Variants in RBM47 observed in about 807,000 individuals in gnomAD.
RBM47 encodes the protein RNA binding motif protein 47, also known as RNA-binding protein 47.
RBM47 carries 21 observed loss-of-function variants against 47.1 expected under a neutral mutation model. The ratio of observed to expected loss-of-function variants is 0.45; its 90% CI spans 0.32 to 0.64. The LOEUF (loss-of-function observed/expected upper bound fraction) is 0.64, where lower values mean the gene tolerates loss of function less well. Among genes scored for constraint, RBM47 ranks in the 30% least tolerant of loss-of-function variants. The pLI is 0.05. For missense variants in RBM47, 708 were observed against 870.9 expected, an observed-to-expected ratio of 0.81 and a Z score of 2.35; for synonymous variants, 375 against 361.7, an observed-to-expected ratio of 1.04 and a Z score of -0.42.
At chr4:40,453,513 ATATGCCATGT>A (rs1319741308) in intron 3 of RBM47, among the ~76,000 whole-genome samples, 10 of 152,248 alleles carry the variant, frequency 6.6e-5, no homozygotes, top group African/African-American at 2.4e-4. Context: ...TTATGTTATC[ATATGCCATGT>A]TATTGCCAAT....
At chr4:40,517,664 C>T (rs1725739767) in intron 2 of RBM47, among the ~76,000 whole-genome samples, 1 of 152,098 alleles carries the variant, frequency 6.6e-6, no homozygotes, top group South Asian at 2.1e-4. Context: ...CAAGAATATT[C>T]AAAAATCTCA....
chr4:40,606,825 G>A (rs945382139), intron 1 of RBM47, among the ~76,000 whole-genome samples: 6 of 152,070 alleles, frequency 3.9e-5, no homozygotes, highest in African/African-American at 1.2e-4. Flanking sequence ...GCAACACAGT[G>A]ACACCTCCTC....
intron 1 of RBM47, among the ~76,000 whole-genome samples, chr4:40,577,645 T>TAAA (rs10624014): frequency 4.2e-4 from 61 of 146,786 alleles, no homozygotes; most frequent in East Asian, 7.9e-4. Context: ...ATCTCATACT[T>TAAA]AAAAAAAAAA....
chr4:40,477,303 C>G lies in RBM47; in HGVS notation c.-154-10604G>C, dbSNP rs75635931. On this transcript the variant is annotated intron_variant, in intron 2 of 6. Transcript: ENST00000295971. ...TCCTAGATAGAATAATAGCTATCGA[C>G]AGTGACTATAAATTATCAACAAGTT... Among the ~76,000 whole-genome samples, 487 of 152,282 alleles carry G rather than the reference C, an allele frequency of 3.2e-3. 17 individuals are homozygous for G. The East Asian group carries it at 0.075, about 23-fold the overall frequency.
chr4:40,537,394 C>A (rs1481419414), intron 2 of RBM47, among the ~76,000 whole-genome samples: 1 of 151,884 alleles, frequency 6.6e-6, no homozygotes, highest in Non-Finnish European at 1.5e-5. Flanking sequence ...TCCTGAGTAG[C>A]TGGGACTACA....
chr4:40,434,715 A>G (rs907087947), intron 5 of RBM47, among the ~76,000 whole-genome samples: 8 of 152,066 alleles, frequency 5.3e-5, no homozygotes, highest in African/African-American at 1.7e-4. Flanking sequence ...AAAAAAAAAA[A>G]AAAAAAAAAA....
intron 1 of RBM47, among the ~76,000 whole-genome samples, chr4:40,624,999 G>A (rs933645493): frequency 6.7e-6 from 1 of 150,320 alleles, no homozygotes; most frequent in Admixed American, 6.7e-5. Context: ...ACAGGCACCC[G>A]CCACTATGCC....
At chr4:40,518,472 A>G (rs1006720195) in intron 2 of RBM47, among the ~76,000 whole-genome samples, 1 of 152,124 alleles carries the variant, frequency 6.6e-6, no homozygotes, top group East Asian at 1.9e-4. Context: ...AACCACGCCC[A>G]GCTGCAAACA....
intron 1 of RBM47, among the ~76,000 whole-genome samples, chr4:40,566,612 T>G (rs967786782): frequency 2.0e-5 from 3 of 151,990 alleles, no homozygotes; most frequent in Non-Finnish European, 4.4e-5. Flanking sequence ...GCCACTACAC[T>G]CCACGCTGGG....
chr4:40,561,310 C>T (rs188109806), intron 1 of RBM47, among the ~76,000 whole-genome samples: 4 of 147,008 alleles, frequency 2.7e-5, no homozygotes, highest in East Asian at 2.0e-4. Flanking sequence ...CGGCTCACTG[C>T]GACCACCGCT....
chr4:40,511,076 C>T lies in RBM47; in HGVS notation c.-155+33346G>A, dbSNP rs79529203. Among the ~76,000 whole-genome samples, 932 of 152,288 alleles carry T rather than the reference C, an allele frequency of 6.1e-3. 6 individuals carry two copies. The highest frequency in any genetic ancestry group is 0.022 in the African/African-American group (896 of 41,564). On this transcript the variant is annotated intron_variant, in intron 2 of 6. Coordinates refer to ENST00000295971, the MANE Select transcript of RBM47 (RefSeq NM_001098634.2). ...CTAACCTATACGCATTCAGTTTTTA[C>T]TTCATCCTGCAAAAAGCAAAACCAG...
chr4:40,456,560 T>C (rs1277343875), intron 3 of RBM47, among the ~76,000 whole-genome samples: 1 of 91,288 alleles, frequency 1.1e-5, no homozygotes, highest in African/African-American at 3.6e-5. Context: ...TTTTTTTTTC[T>C]TTTCTTTTTT....
chr4:40,558,866 C>A (rs1026697629), intron 1 of RBM47, among the ~76,000 whole-genome samples: 1 of 149,266 alleles, frequency 6.7e-6, no homozygotes, highest in African/African-American at 2.5e-5. Context: ...TGGTGGCAGG[C>A]GCCTGTAATC....
intron 1 of RBM47, among the ~76,000 whole-genome samples, chr4:40,625,776 T>G (rs1158550604): frequency 2.6e-5 from 4 of 152,318 alleles, no homozygotes; most frequent in East Asian, 1.9e-4. Flanking sequence ...TTGGGGAGAC[T>G]GGATGTTGTT....
intron 4 of RBM47, chr4:40,436,878 G>A: frequency 4.6e-6 from 3 of 658,652 alleles, no homozygotes; most frequent in Non-Finnish European, 5.6e-6. Flanking sequence ...GAGTTTCTAG[G>A]ATTGTATCTG....
intron 2 of RBM47, among the ~76,000 whole-genome samples, chr4:40,501,259 T>C (rs909997984): frequency 1.3e-5 from 2 of 152,164 alleles, no homozygotes; most frequent in Admixed American, 6.5e-5. Context: ...TGGAGAAACA[T>C]GAAGACAAAG....
chr4:40,612,253 C>G (rs368368848), intron 1 of RBM47, among the ~76,000 whole-genome samples: 2 of 152,104 alleles, frequency 1.3e-5, no homozygotes, highest in Admixed American at 1.3e-4. Context: ...GTTAGATGGC[C>G]GGGTGCAGTG....
intron 1 of RBM47, among the ~76,000 whole-genome samples, chr4:40,624,860 C>CTTTTTTTTTTTT (rs1172791380): frequency 7.3e-4 from 87 of 119,604 alleles, no homozygotes; most frequent in East Asian, 9.8e-4. Flanking sequence ...TTTTCTTTTT[C>CTTTTTTTTTTTT]TTTTTTTTTT....
At chr4:40,566,474 G>A (rs1973226) in intron 1 of RBM47, among the ~76,000 whole-genome samples, 1,532 of 149,878 alleles carry the variant, frequency 0.01, 17 homozygotes, top group African/African-American at 0.03. Flanking sequence ...GTGAAACTCC[G>A]TCTCTACTAA....
Sources: allele counts gnomAD v4.1 joint callset (sites outside exome capture counted in the v4.1 genomes callset), GRCh38; gene constraint gnomAD v4.1.1; transcripts MANE v1.5; gene names NCBI Gene and HGNC (gene_info 2026-07-23, HGNC 2026-07-21).